VGLL4: variants seen among roughly 807,000 people sequenced by gnomAD.
VGLL4 encodes the protein vestigial like family member 4, also known as transcription cofactor vestigial-like protein 4.
A neutral mutation model predicts 21.0 loss-of-function variants in VGLL4; 7 were observed. The ratio of observed to expected loss-of-function variants is 0.33; its 90% CI spans 0.19 to 0.63. VGLL4 has a LOEUF of 0.63. Among genes scored for constraint, VGLL4 ranks in the 20% least tolerant of loss-of-function variants. The pLI, the probability that VGLL4 is intolerant of heterozygous loss-of-function variation, is 0.78. For missense variants in VGLL4, 394 were observed against 425.7 expected (o/e 0.93, Z 0.66); for synonymous variants, 222 against 173.2 (o/e 1.28, Z -2.21).
At chr3:11,644,436 G>A (rs903015972), upstream of VGLL4, among the ~76,000 whole-genome samples, 2 of 152,136 alleles carry the variant, frequency 1.3e-5, no homozygotes, top group Admixed American at 6.5e-5. Flanking sequence ...AGGGCAAGGA[G>A]GGTATCACCC....
At chr3:11,628,354 A>C (rs1441372384) in intron 1 of VGLL4, among the ~76,000 whole-genome samples, 7 of 151,766 alleles carry the variant, frequency 4.6e-5, no homozygotes. Flanking sequence ...TGCCATTGCA[A>C]GCCAGCCTGG....
At chr3:11,671,467 C>T in intron 2 of VGLL4, 1 of 692,704 alleles carries the variant, frequency 1.4e-6, no homozygotes, top group Admixed American at 2.0e-5. Context: ...GGATTGGTCC[C>T]AGGACCCCCA....
Position 11,568,998 on chromosome 3 carries a change from C to A in VGLL4, c.273-3979G>T. On this transcript the variant is annotated intron_variant, in intron 2 of 4. Transcript: ENST00000430365. The surrounding 1 kb of genome is among the most constrained non-coding windows in gnomAD (Gnocchi z 5.9). The stretch of plus-strand genomic sequence containing the variant: ...AAAGAGAGGCCTACAACACCATCAT[C>A]CAGGACAGAGCTTTCTGAGTACTGA... 9.5e-7 allele frequency: 1 copy of A among 1,050,970 alleles called. No homozygotes were observed. Among genetic ancestry groups the A allele is most frequent in the South Asian group, 2.8e-5 (1 of 35,320 alleles). The allele number at this position is 1,050,970 out of a possible 1,614,324, so 65.1% of individuals were successfully genotyped here. A position where few individuals can be genotyped will look rare whatever the true frequency, so the allele number is the denominator to read the frequency against.
rs2072617338 is a variant in VGLL4 at position 11,558,222 on chromosome 3, G to A, written c.*334C>T. 2.6e-6 allele frequency: 1 copy of A among 388,346 alleles called. No homozygotes were observed. Among genetic ancestry groups the A allele is most frequent in the South Asian group, 4.4e-5 (1 of 22,802 alleles). The allele number at this position is 388,346 out of a possible 1,614,324, so 24.1% of individuals were successfully genotyped here. A position where few individuals can be genotyped will look rare whatever the true frequency, so the allele number is the denominator to read the frequency against. On this transcript the variant is annotated 3_prime_UTR_variant, in exon 5 of 5. Coordinates refer to ENST00000430365, the MANE Select transcript of VGLL4 (RefSeq NM_001128219.3). ...GCGTCTGAGTCACCAATTCATCATG[G>A]CTTGTGACTGAGAAAGCGCTGTGGA...
At chr3:11,614,944 C>A (rs1246338531) in intron 1 of VGLL4, among the ~76,000 whole-genome samples, 1 of 152,154 alleles carries the variant, frequency 6.6e-6, no homozygotes, top group Non-Finnish European at 1.5e-5. Flanking sequence ...TGAATGAGAA[C>A]AAGAACATCC....
At chr3:11,675,605 C>G (rs976553541) in intron 2 of VGLL4, among the ~76,000 whole-genome samples, 2 of 152,084 alleles carry the variant, frequency 1.3e-5, no homozygotes, top group African/African-American at 4.8e-5. Context: ...ATTCCATAGA[C>G]CTTTACAGAA....
At chr3:11,563,900 C>T (rs747904130) in intron 3 of VGLL4, among the ~76,000 whole-genome samples, 67 of 152,304 alleles carry the variant, frequency 4.4e-4, no homozygotes, top group Non-Finnish European at 9.7e-4. Context: ...ACCCCACCCA[C>T]AGTTTCAACA....
intron 3 of VGLL4, among the ~76,000 whole-genome samples, chr3:11,561,192 C>T (rs906033289): frequency 6.6e-6 from 1 of 152,086 alleles, no homozygotes; most frequent in Non-Finnish European, 1.5e-5. Context: ...TTGCAGCGAG[C>T]GTGTCCTGAC....
chr3:11,605,044 GCCCCCGCCCA>G (rs1204596447), intron 1 of VGLL4, among the ~76,000 whole-genome samples: 1 of 29,826 alleles, frequency 3.4e-5, no homozygotes, highest in Non-Finnish European at 6.8e-5. Context: ...CGCCCGCCAC[GCCCCCGCCCA>G]CCCCCAATCC....
chr3:11,579,978 G>A (rs1218616208), intron 2 of VGLL4, among the ~76,000 whole-genome samples: 1 of 152,120 alleles, frequency 6.6e-6, no homozygotes, highest in Non-Finnish European at 1.5e-5. Flanking sequence ...ACTCATTAAT[G>A]TTTATTCAGT....
At chr3:11,654,088 C>A (rs992113304) in intron 2 of VGLL4, among the ~76,000 whole-genome samples, 33 of 147,796 alleles carry the variant, frequency 2.2e-4, no homozygotes, top group African/African-American at 8.8e-4. Flanking sequence ...ACACCCCCCA[C>A]CACCACCACC....
intron 2 of VGLL4, chr3:11,671,187 C>T: frequency 1.3e-6 from 2 of 1,482,030 alleles, no homozygotes; most frequent in African/African-American, 1.4e-5. Context: ...CTTTGCAATA[C>T]TATTTTGCAA....
chr3:11,638,004 G>T (rs116820371), intron 1 of VGLL4, among the ~76,000 whole-genome samples: 1 of 152,146 alleles, frequency 6.6e-6, no homozygotes, highest in Non-Finnish European at 1.5e-5. Context: ...GACAAAGATC[G>T]CCAGAAACAT....
chr3:11,621,683 G>T (rs1189639433), intron 1 of VGLL4, among the ~76,000 whole-genome samples: 1 of 152,154 alleles, frequency 6.6e-6, no homozygotes, highest in Non-Finnish European at 1.5e-5. Flanking sequence ...ATGTACCTAG[G>T]AGTAGAATTG....
chr3:11,659,337 T>C (rs60865108), intron 2 of VGLL4, among the ~76,000 whole-genome samples: 2 of 139,266 alleles, frequency 1.4e-5, no homozygotes, highest in African/African-American at 5.7e-5. Context: ...TTTTTTTTTT[T>C]TTTTTTTTTT....
chr3:11,596,373 A>AG (rs1412699412), intron 2 of VGLL4, among the ~76,000 whole-genome samples: 2 of 152,262 alleles, frequency 1.3e-5, no homozygotes, highest in Non-Finnish European at 2.9e-5. Flanking sequence ...AGGAAAAACC[A>AG]TAAACAAATC....
At chr3:11,620,896 AAAC>A (rs993076746) in intron 1 of VGLL4, among the ~76,000 whole-genome samples, 1 of 152,194 alleles carries the variant, frequency 6.6e-6, no homozygotes, top group African/African-American at 2.4e-5. Flanking sequence ...ATTATAAAGA[AAAC>A]AACAATTCCA....
At chr3:11,604,823 T>C (rs1413957435) in intron 1 of VGLL4, among the ~76,000 whole-genome samples, 2 of 143,592 alleles carry the variant, frequency 1.4e-5, no homozygotes, top group African/African-American at 2.5e-5. Flanking sequence ...TACAAAGAAA[T>C]TGCTACTTGT....
At chr3:11,623,475 T>C (rs1019233468) in intron 1 of VGLL4, among the ~76,000 whole-genome samples, 5 of 152,036 alleles carry the variant, frequency 3.3e-5, no homozygotes, top group East Asian at 3.8e-4. Flanking sequence ...CTGTCTGCAA[T>C]TGGTTGAAAA....
Sources: gnomAD v4.1 joint callset for allele counts (sites outside exome capture counted in the v4.1 genomes callset) on GRCh38, gnomAD v4.1.1 for gene constraint, Gnocchi (gnomAD v3.1) non-coding constraint, MANE v1.5 for transcripts, NCBI Gene and HGNC (gene_info 2026-07-23, HGNC 2026-07-21) for gene names.